Variants in EIF3E observed in about 807,000 individuals in gnomAD.
The protein encoded by EIF3E is eIF-3 p48.
In EIF3E, 25 loss-of-function variants were observed where a neutral mutation model predicts 59.3. That is an observed-to-expected ratio of 0.42 (90% confidence interval 0.31 to 0.59). The LOEUF is 0.59. Ranked by LOEUF, EIF3E falls within the 20% of genes least tolerant of loss-of-function variation. The pLI, the probability that EIF3E is intolerant of heterozygous loss-of-function variation, is 0.15. For synonymous variants in EIF3E, 176 were observed against 170.2 expected, an observed-to-expected ratio of 1.03 and a Z score of -0.26; for missense variants, 317 against 534.3, an observed-to-expected ratio of 0.59 and a Z score of 4.01.
intron 1 of EIF3E, chr8:108,242,236 A>G (rs1387381046): frequency 7.7e-7 from 1 of 1,299,240 alleles, no homozygotes; most frequent in East Asian, 5.3e-5. Flanking sequence ...CTGTGTATAA[A>G]TAAAACCCAC....
In EIF3E at chr8:108,203,030, A is replaced by G. The variant is rs1391317733; in HGVS notation, c.1252T>C (p.Leu418=). The G allele has an allele frequency of 2.5e-6, 4 of 1,612,690 alleles. No homozygotes were observed. The change falls in exon 12 of 13, where the codon TTG becomes CTG. Residue 418 remains leucine, a synonymous_variant. Coordinates refer to ENST00000220849, the MANE Select transcript of EIF3E (RefSeq NM_001568.3). ...AGTTTCTTCTCAATATTCATGGCCA[A>G]CATCTGGCTTCTAAAGGAAAGGCTT... ...TKSLSFRSQM[L]AMNIEKKLNQ... is the part of the protein sequence containing the mutation.
In EIF3E at chr8:108,201,986, T is replaced by C. The variant is rs980776362; in HGVS notation, c.1300-63A>G. On this transcript the variant is annotated intron_variant, in intron 12 of 12. Coordinates refer to ENST00000220849, the MANE Select transcript of EIF3E (RefSeq NM_001568.3). ...AAATACTTTCGGAAAAAAACTAACA[T>C]AGAAGAAAGTAACACAGCATTTACT... 9 of 1,430,246 alleles carry C rather than the reference T, an allele frequency of 6.3e-6. No individual in the cohort carries two copies. The African/African-American group carries it at 8.7e-5, about 14-fold the overall frequency. 88.6% of individuals were successfully genotyped at this position (1,430,246 alleles called of 1,614,324 possible). A position where few individuals can be genotyped will look rare whatever the true frequency, so the allele number is the denominator to read the frequency against.
chr8:108,223,339 A>T (rs1052969385), intron 7 of EIF3E, among the ~76,000 whole-genome samples: 2 of 152,208 alleles, frequency 1.3e-5, no homozygotes, highest in Non-Finnish European at 2.9e-5. Context: ...TAGGACACTA[A>T]GTAGACCTCC....
chr8:108,203,228 G>C, intron 11 of EIF3E, 111 bp from the exon 12 acceptor site: 2 of 888,950 alleles, frequency 2.2e-6, no homozygotes, highest in Non-Finnish European at 3.1e-6. Flanking sequence ...GTATAGAGAT[G>C]ACAATATTTA....
chr8:108,247,871 G>C (rs1815977032), intron 1 of EIF3E, among the ~76,000 whole-genome samples: 2 of 152,056 alleles, frequency 1.3e-5, no homozygotes, highest in African/African-American at 4.8e-5. Context: ...AAACTTTTAG[G>C]ACTGACATAT....
At chr8:108,233,707 T>C in intron 5 of EIF3E, 2 of 383,962 alleles carry the variant, frequency 5.2e-6, no homozygotes, top group East Asian at 9.0e-5. Flanking sequence ...TAGCCATGAG[T>C]GGTGATGCAC....
Position 108,231,124 on chromosome 8 carries a change from T to C in EIF3E, c.472-1929A>G, listed in dbSNP as rs1815614834. Among the ~76,000 whole-genome samples the C allele has an allele frequency of 2.6e-5, 4 of 152,108 alleles. No individual in the cohort carries two copies. The South Asian group carries it at 6.2e-4, about 24-fold the overall frequency. On this transcript the variant is annotated intron_variant, in intron 5 of 12. Coordinates refer to ENST00000220849, the MANE Select transcript of EIF3E (RefSeq NM_001568.3). ...AGTACACAAATGTTTCAAAATTCATTGAAAATTTAAAAACTGGTTTATCAA... is the reference window on the plus strand; with the variant it reads ...AGTACACAAATGTTTCAAAATTCATCGAAAATTTAAAAACTGGTTTATCAA...
intron 1 of EIF3E, among the ~76,000 whole-genome samples, chr8:108,247,088 G>C (rs1815962461): frequency 6.6e-6 from 1 of 152,112 alleles, no homozygotes; most frequent in Non-Finnish European, 1.5e-5. Flanking sequence ...GTGTATTACA[G>C]CTATCTTACC....
In EIF3E at chr8:108,243,638, G is replaced by GAAAAAAAAAAAAAAAAAAAAAAAAAAA. The variant is rs779684560; in HGVS notation, c.91-1726_91-1725insTTTTTTTTTTTTTTTTTTTTTTTTTTT. Among the ~76,000 whole-genome samples the GAAAAAAAAAAAAAAAAAAAAAAAAAAA allele has an allele frequency of 2.8e-5, 2 of 70,978 alleles. 1 individual carries two copies. Among genetic ancestry groups the GAAAAAAAAAAAAAAAAAAAAAAAAAAA allele is most frequent in the Non-Finnish European group, 5.6e-5 (2 of 35,748 alleles). The allele number at this position is 70,978 out of a possible 152,430, so 46.6% of individuals were successfully genotyped here. A position where few individuals can be genotyped will look rare whatever the true frequency, so the allele number is the denominator to read the frequency against. On this transcript the variant is annotated intron_variant, in intron 1 of 12. Coordinates refer to ENST00000220849, the MANE Select transcript of EIF3E (RefSeq NM_001568.3). ...AGCAAGACTCTGTCTCAAAAAAAAA[G>GAAAAAAAAAAAAAAAAAAAAAAAAAAA]AAAAAAAAAAAAAAAAAAAAAAGGA...
chr8:108,241,368 G>C (rs903502983), intron 2 of EIF3E, among the ~76,000 whole-genome samples: 1 of 151,984 alleles, frequency 6.6e-6, no homozygotes, highest in African/African-American at 2.4e-5. Flanking sequence ...AGCTCTCCCA[G>C]GTGAACTGAT....
At chr8:108,228,540 A>G (rs745996277) in intron 6 of EIF3E, 149 bp from the exon 7 acceptor site, 5 of 507,938 alleles carry the variant, frequency 9.8e-6, no homozygotes, top group Non-Finnish European at 1.6e-5. Flanking sequence ...CCGACCCCCT[A>G]TGCCTTCTCT....
At chr8:108,233,897 C>G (rs1302846288) in intron 5 of EIF3E, among the ~76,000 whole-genome samples, 1 of 148,576 alleles carries the variant, frequency 6.7e-6, no homozygotes, top group Non-Finnish European at 1.5e-5. Flanking sequence ...CTTACTAGTC[C>G]AAGGTAACAA....
chr8:108,217,345 CT>C lies in EIF3E; in HGVS notation c.837del (p.Val280LeufsTer33). The part of the protein sequence containing the change: ...KRRQVLKDLV[K>X]VIQQESYTYK... ...TATTTTAGTTTTACCTGTTGAATAACTTTAACTAGATCTTTTAGAACCTGCC... is the reference window on the plus strand; with the variant it reads ...TATTTTAGTTTTACCTGTTGAATAACTTAACTAGATCTTTTAGAACCTGCC... On this transcript the variant is annotated frameshift_variant, in exon 8 of 13. Coordinates refer to ENST00000220849, the MANE Select transcript of EIF3E (RefSeq NM_001568.3). LOFTEE classifies it high-confidence loss of function. 6.4e-7 allele frequency: 1 copy of C among 1,552,096 alleles called. No homozygotes were observed.
At chr8:108,224,375 CA>C (rs1364324687) in intron 7 of EIF3E, among the ~76,000 whole-genome samples, 1 of 151,420 alleles carries the variant, frequency 6.6e-6, no homozygotes, top group African/African-American at 2.5e-5. Flanking sequence ...CTGAAAAACA[CA>C]TACTGATTAT....
Position 108,201,726 on chromosome 8 carries a change from G to A in EIF3E, c.*159C>T, listed in dbSNP as rs1317218882. On this transcript the variant is annotated 3_prime_UTR_variant, in exon 13 of 13. Coordinates refer to ENST00000220849, the MANE Select transcript of EIF3E (RefSeq NM_001568.3). The stretch of plus-strand genomic sequence containing the variant: ...AAAAAACACAAACTTGCACATGCAA[G>A]AAAACTGACAGCAAGATAAAATGAA... The A allele has an allele frequency of 1.5e-6, 1 of 646,396 alleles. No homozygotes were observed. Among genetic ancestry groups the A allele is most frequent in the Non-Finnish European group, 2.3e-6 (1 of 431,394 alleles). 40.0% of individuals were successfully genotyped at this position (646,396 alleles called of 1,614,324 possible). A position where few individuals can be genotyped will look rare whatever the true frequency, so the allele number is the denominator to read the frequency against.
rs190692592 is a variant in EIF3E, at chr8:108,209,291, T to C, written c.1061+5316A>G. ...AACTAGTGAATGGAATAATATGCCA[T>C]AGTTAGTATTCAGTGGAAAAAAGTC... On this transcript the variant is annotated intron_variant, in intron 10 of 12. Transcript: ENST00000220849. Among the ~76,000 whole-genome samples, 258 of 152,136 alleles carry C rather than the reference T, an allele frequency of 1.7e-3. 3 individuals are homozygous for C. Among genetic ancestry groups the C allele is most frequent in the Admixed American group, 0.013 (204 of 15,288 alleles).
intron 1 of EIF3E, among the ~76,000 whole-genome samples, chr8:108,246,989 A>C (rs1815960857): frequency 6.6e-6 from 1 of 152,142 alleles, no homozygotes; most frequent in Non-Finnish European, 1.5e-5. Flanking sequence ...TGACTGCGAG[A>C]GCTCAGCGTT....
intron 1 of EIF3E, among the ~76,000 whole-genome samples, chr8:108,246,697 C>T (rs908344238): frequency 3.3e-5 from 5 of 152,082 alleles, no homozygotes; most frequent in African/African-American, 1.2e-4. Flanking sequence ...CTCTGCTACC[C>T]CTGAAACAGC....
intron 7 of EIF3E, among the ~76,000 whole-genome samples, chr8:108,220,435 T>G (rs1240196276): frequency 6.6e-6 from 1 of 152,240 alleles, no homozygotes; most frequent in Non-Finnish European, 1.5e-5. Flanking sequence ...CAATCCTATT[T>G]AGCAATGAAG....
Sources: gnomAD v4.1 joint callset for allele counts (sites outside exome capture counted in the v4.1 genomes callset) on GRCh38, gnomAD v4.1.1 for gene constraint, MANE v1.5 for transcripts, NCBI Gene and HGNC (gene_info 2026-07-23, HGNC 2026-07-21) for gene names.